Variants in CTNND2 observed in about 807,000 individuals in gnomAD.
The protein encoded by CTNND2 is catenin delta 2, also known as catenin delta-2.
In CTNND2, 22 loss-of-function variants were observed where a neutral mutation model predicts 144.4. The observed-to-expected ratio is 0.15, with a 90% CI of 0.11 to 0.22. The LOEUF (loss-of-function observed/expected upper bound fraction) is 0.22, where lower values mean the gene tolerates loss of function less well. CTNND2 is among the 10% of genes least tolerant of loss of function. CTNND2 has a pLI of 1.00. For missense variants in CTNND2, 1,353 were observed against 1,618.8 expected (o/e 0.84, Z 2.82); for synonymous variants, 751 against 695.6 (o/e 1.08, Z -1.25).
Position 11,127,768 on chromosome 5 carries a change from T to A in CTNND2, c.2160-10201A>T, listed in dbSNP as rs1410917086. Among the ~76,000 whole-genome samples the A allele has an allele frequency of 3.7e-3, 563 of 152,342 alleles. 13 individuals are homozygous for A. The highest frequency in any genetic ancestry group is 0.031 in the Admixed American group (475 of 15,292). On this transcript the variant is annotated intron_variant, in intron 12 of 21. Coordinates refer to ENST00000304623, the MANE Select transcript of CTNND2 (RefSeq NM_001332.4). ...CGGAGAGAAGTTCTTCCCCAGGAGC[T>A]GTACTTAACAGATTACTCATCCAGC...
At chr5:11,290,835 C>A (rs987266251) in intron 9 of CTNND2, among the ~76,000 whole-genome samples, 10 of 152,082 alleles carry the variant, frequency 6.6e-5, no homozygotes, top group Non-Finnish European at 4.4e-5. Flanking sequence ...AAGTAACCTT[C>A]GTTGTTTATT....
chr5:11,469,371 C>T (rs1174112088), intron 3 of CTNND2, among the ~76,000 whole-genome samples: 1 of 152,186 alleles, frequency 6.6e-6, no homozygotes, highest in Non-Finnish European at 1.5e-5. Context: ...AGTTCAGTCA[C>T]CCACATTGTT....
intron 18 of CTNND2, among the ~76,000 whole-genome samples, chr5:11,013,335 G>A (rs1265564100): frequency 6.6e-6 from 1 of 152,004 alleles, no homozygotes; most frequent in African/African-American, 2.4e-5. Flanking sequence ...TAATTAATTG[G>A]CATGCAATTA....
chr5:11,291,871 C>T (rs1494694), intron 9 of CTNND2, among the ~76,000 whole-genome samples: 18,056 of 152,082 alleles, frequency 0.12, 1,208 homozygotes, highest in Admixed American at 0.18. Context: ...GTATCATAGC[C>T]ACATTTCTCT....
chr5:11,798,676 AGAATCACTTGAACCAGG>A (rs922938283), intron 1 of CTNND2, among the ~76,000 whole-genome samples: 2 of 152,146 alleles, frequency 1.3e-5, no homozygotes, highest in African/African-American at 4.8e-5. Context: ...CTGAGGCAGG[AGAATCACTTGAACCAGG>A]GAGTCAGAGG....
At chr5:11,262,743 C>G in intron 9 of CTNND2, among the ~76,000 whole-genome samples, 1 of 95,882 alleles carries the variant, frequency 1.0e-5, no homozygotes, top group South Asian at 4.0e-4. Context: ...GCCTGGGTGA[C>G]AGAGTAAGAC....
At position 11,590,449 on chromosome 5, in the gene CTNND2, T is replaced by C. The variant is rs536494425; in HGVS notation, c.175-25393A>G. Among the ~76,000 whole-genome samples, 3 of 152,296 alleles carry C rather than the reference T, an allele frequency of 2.0e-5. No homozygotes were observed. In the South Asian group the frequency reaches 6.2e-4, roughly 32 times the overall value. On this transcript the variant is annotated intron_variant, in intron 2 of 21. Transcript: ENST00000304623. ...TATTCCATACACTCCCAGCATCAAA[T>C]CCATTCTCCTTTTTGTAAGGTCCTC...
At chr5:11,498,461 A>G (rs886297776) in intron 3 of CTNND2, among the ~76,000 whole-genome samples, 11 of 152,168 alleles carry the variant, frequency 7.2e-5, no homozygotes, top group African/African-American at 2.7e-4. Flanking sequence ...CAATGACACC[A>G]CTCTAGACTT....
At chr5:11,694,787 C>G (rs1326952848) in intron 2 of CTNND2, among the ~76,000 whole-genome samples, 1 of 152,174 alleles carries the variant, frequency 6.6e-6, no homozygotes, top group Non-Finnish European at 1.5e-5. Flanking sequence ...CTGTTCAACA[C>G]TGTCATAAAT....
intron 21 of CTNND2, among the ~76,000 whole-genome samples, chr5:10,980,980 C>T (rs1008189336): frequency 5.9e-5 from 9 of 152,074 alleles, no homozygotes; most frequent in African/African-American, 2.2e-4. Context: ...CACCGTGGCA[C>T]GTGTATACCT....
intron 1 of CTNND2, among the ~76,000 whole-genome samples, chr5:11,829,202 A>G (rs1793757698): frequency 6.6e-6 from 1 of 152,230 alleles, no homozygotes; most frequent in South Asian, 2.1e-4. Context: ...CAGCCTGACA[A>G]TGCAAAAGAA....
chr5:11,504,194 C>T (rs1420106622), intron 3 of CTNND2, among the ~76,000 whole-genome samples: 5 of 152,222 alleles, frequency 3.3e-5, no homozygotes, highest in Non-Finnish European at 7.3e-5. Context: ...CCTCTCCTAA[C>T]CCCACCCTCT....
intron 2 of CTNND2, among the ~76,000 whole-genome samples, chr5:11,674,561 C>A (rs1484335515): frequency 1.3e-5 from 2 of 152,174 alleles, no homozygotes; most frequent in Non-Finnish European, 2.9e-5. Context: ...AGGGTTCAGT[C>A]TTGGTATTGT....
intron 2 of CTNND2, among the ~76,000 whole-genome samples, chr5:11,641,938 A>G (rs1782087155): frequency 6.6e-6 from 1 of 152,138 alleles, no homozygotes; most frequent in South Asian, 2.1e-4. Context: ...TAAAATTGAT[A>G]AAGCTGTTCA....
chr5:10,977,418 A>C (rs1241610889), intron 21 of CTNND2, among the ~76,000 whole-genome samples: 1 of 152,208 alleles, frequency 6.6e-6, no homozygotes, highest in Non-Finnish European at 1.5e-5. Context: ...GGACTGGTAG[A>C]AGCTCAAAAG....
chr5:11,729,525 T>C (rs1214211741), intron 2 of CTNND2, among the ~76,000 whole-genome samples: 5 of 152,180 alleles, frequency 3.3e-5, no homozygotes, highest in Admixed American at 1.3e-4. Context: ...AGATTAAACA[T>C]ATAGCCCCAA....
At chr5:11,345,991 A>G (rs1165862374) in intron 9 of CTNND2, among the ~76,000 whole-genome samples, 1 of 152,218 alleles carries the variant, frequency 6.6e-6, no homozygotes, top group African/African-American at 2.4e-5. Context: ...TGATAAATAG[A>G]AATACGCATG....
At chr5:11,592,463 C>T (rs373067609) in intron 2 of CTNND2, among the ~76,000 whole-genome samples, 1 of 151,886 alleles carries the variant, frequency 6.6e-6, no homozygotes, top group Admixed American at 6.6e-5. Context: ...GAATTTTATT[C>T]GCAATCCTCT....
intron 1 of CTNND2, among the ~76,000 whole-genome samples, chr5:11,891,145 A>G (rs2127097273): frequency 6.6e-6 from 1 of 152,328 alleles, no homozygotes; most frequent in African/African-American, 2.4e-5. Context: ...AATACACTTA[A>G]AAAGGAACTC....
Sources: gnomAD v4.1 joint callset for allele counts (sites outside exome capture counted in the v4.1 genomes callset) on GRCh38, gnomAD v4.1.1 for gene constraint, MANE v1.5 for transcripts, NCBI Gene and HGNC (gene_info 2026-07-23, HGNC 2026-07-21) for gene names.